The following TAS2R1 variants were observed in gnomAD, a reference collection of about 807,000 sequenced individuals.
TAS2R1 encodes the protein taste receptor type 2 member 1.
For missense variants in TAS2R1, 370 were observed against 353.4 expected (o/e 1.05, Z -0.38); for synonymous variants, 141 against 134.2 (o/e 1.05, Z -0.35).
the TAS2R1 span, among the ~76,000 whole-genome samples, chr5:9,840,119 T>G: frequency 1.3e-5 from 2 of 152,162 alleles, no homozygotes; most frequent in South Asian, 4.1e-4. Flanking sequence ...AGTTCCCTGG[T>G]GAGATTTTGC....
the TAS2R1 span, among the ~76,000 whole-genome samples, chr5:9,762,520 T>C: frequency 1.3e-5 from 2 of 152,212 alleles, no homozygotes; most frequent in African/African-American, 2.4e-5. Flanking sequence ...GGTTGCTACA[T>C]GGAGAAGTGT....
chr5:9,666,050 C>A (rs548280997), intron 1 of TAS2R1, among the ~76,000 whole-genome samples: 2 of 152,168 alleles, frequency 1.3e-5, no homozygotes, highest in African/African-American at 4.8e-5. Context: ...GAACTGGATT[C>A]AGGAAAGTTA....
the TAS2R1 span, among the ~76,000 whole-genome samples, chr5:9,851,812 C>T: frequency 6.6e-6 from 1 of 152,150 alleles, no homozygotes; most frequent in Admixed American, 6.5e-5. Context: ...AAGCTAAGAG[C>T]CTTAAAGACT....
At chr5:9,797,398 G>A in the TAS2R1 span, among the ~76,000 whole-genome samples, 3 of 152,174 alleles carry the variant, frequency 2.0e-5, no homozygotes, top group African/African-American at 7.2e-5. Flanking sequence ...GTACTTGGAA[G>A]ACAAGGCAGC....
the TAS2R1 span, among the ~76,000 whole-genome samples, chr5:9,797,782 C>T: frequency 6.6e-6 from 1 of 151,988 alleles, no homozygotes; most frequent in Non-Finnish European, 1.5e-5. Context: ...TTTGAAATAC[C>T]TTGCAAATTC....
chr5:9,662,434 A>T (rs1249306217), intron 1 of TAS2R1, among the ~76,000 whole-genome samples: 1 of 152,146 alleles, frequency 6.6e-6, no homozygotes, highest in Non-Finnish European at 1.5e-5. Flanking sequence ...AACCAAGGGG[A>T]AAATGTCAGA....
the TAS2R1 span, among the ~76,000 whole-genome samples, chr5:9,718,743 G>A: frequency 7.2e-5 from 11 of 152,174 alleles, no homozygotes; most frequent in Non-Finnish European, 1.3e-4. Flanking sequence ...GCTTCCAGAA[G>A]GGATGACAGA....
intron 1 of TAS2R1, among the ~76,000 whole-genome samples, chr5:9,670,914 C>T (rs1039606092): frequency 6.6e-6 from 1 of 152,146 alleles, no homozygotes; most frequent in African/African-American, 2.4e-5. Context: ...AAAACCAAAT[C>T]CAGCAGCACA....
upstream of TAS2R1, chr5:9,713,319 C>T (rs1416970396): frequency 6.6e-6 from 1 of 152,030 alleles, no homozygotes; most frequent in African/African-American, 2.4e-5. Flanking sequence ...ACAGAATTAC[C>T]ATGTAAATCA....
At chr5:9,720,342 T>G in the TAS2R1 span, among the ~76,000 whole-genome samples, 1 of 152,240 alleles carries the variant, frequency 6.6e-6, no homozygotes, top group Non-Finnish European at 1.5e-5. Context: ...GGCTCACATC[T>G]ACTCAGTGAG....
At chr5:9,776,112 G>A in the TAS2R1 span, among the ~76,000 whole-genome samples, 1 of 152,152 alleles carries the variant, frequency 6.6e-6, no homozygotes. Flanking sequence ...TTGGAACTCG[G>A]GTTCTCACCA....
the TAS2R1 span, among the ~76,000 whole-genome samples, chr5:9,769,905 G>A: frequency 6.6e-6 from 1 of 152,072 alleles, no homozygotes; most frequent in Non-Finnish European, 1.5e-5. Flanking sequence ...CTGTGCAGAA[G>A]CTTTTTAACT....
At chr5:9,700,731 T>G (rs1741462146) in intron 1 of TAS2R1, among the ~76,000 whole-genome samples, 1 of 152,040 alleles carries the variant, frequency 6.6e-6, no homozygotes, top group Non-Finnish European at 1.5e-5. Context: ...CTCTGTTTTC[T>G]CTGTGGACTC....
rs534514196 is a variant in TAS2R1, at chr5:9,705,455, CTG to C, written c.-242+6715_-242+6716del. Among the ~76,000 whole-genome samples, 449 of 152,292 alleles carry C rather than the reference CTG, an allele frequency of 2.9e-3. 3 individuals carry two copies. Among genetic ancestry groups the C allele is most frequent in the Non-Finnish European group, 4.7e-3 (318 of 68,030 alleles). On this transcript the variant is annotated intron_variant, in intron 1 of 2. Transcript: ENST00000506620. ...AAAATTAAAATTCAGTTCTGATTGA[CTG>C]TATCAATTCTAAGTGTCATTTTGGC...
the TAS2R1 span, among the ~76,000 whole-genome samples, chr5:9,802,305 G>T: frequency 6.6e-6 from 1 of 152,070 alleles, no homozygotes; most frequent in Non-Finnish European, 1.5e-5. Context: ...TCCTCTGCGT[G>T]GCTAGACCCA....
the TAS2R1 span, among the ~76,000 whole-genome samples, chr5:9,773,807 A>G: frequency 6.6e-6 from 1 of 152,154 alleles, no homozygotes; most frequent in African/African-American, 2.4e-5. Context: ...GAGCTGTATT[A>G]AATGTTATTT....
At chr5:9,879,709 G>A in the TAS2R1 span, among the ~76,000 whole-genome samples, 1 of 152,168 alleles carries the variant, frequency 6.6e-6, no homozygotes, top group Non-Finnish European at 1.5e-5. Context: ...ATAGAGATGT[G>A]ATGATTATAT....
At chr5:9,870,564 G>C in the TAS2R1 span, among the ~76,000 whole-genome samples, 1 of 152,146 alleles carries the variant, frequency 6.6e-6, no homozygotes, top group Admixed American at 6.5e-5. Flanking sequence ...CATTAGGCTA[G>C]ACACTGGGGA....
chr5:9,633,319 T>TACACAC (rs61375498), upstream of TAS2R1, among the ~76,000 whole-genome samples: 7 of 137,484 alleles, frequency 5.1e-5, no homozygotes, highest in African/African-American at 2.1e-4. Context: ...TATATATATA[T>TACACAC]ACACAAATGT....
Sources: allele counts gnomAD v4.1 joint callset (sites outside exome capture counted in the v4.1 genomes callset), GRCh38; gene constraint gnomAD v4.1.1; transcripts MANE v1.5; gene names NCBI Gene and HGNC (gene_info 2026-07-23, HGNC 2026-07-21).